The following FRMPD4 variants were observed in gnomAD, a reference collection of about 807,000 sequenced individuals.
FRMPD4 encodes FERM and PDZ domain containing 4, also known as FERM and PDZ domain-containing protein 4.
In FRMPD4, 22 loss-of-function variants were observed where a neutral mutation model predicts 94.1. The observed-to-expected ratio is 0.23, with a 90% confidence interval of 0.17 to 0.33. The LOEUF is 0.33. Among genes scored for constraint, FRMPD4 ranks in the 10% least tolerant of loss-of-function variants. The pLI, the probability that FRMPD4 is intolerant of heterozygous loss-of-function variation, is 1.00. For missense variants in FRMPD4, 1,111 were observed against 1,339.9 expected (o/e 0.83, Z 2.67); for synonymous variants, 631 against 548.6 (o/e 1.15, Z -2.10).
intron 2 of FRMPD4, 39 bp downstream of exon 2, chrX:12,498,835 C>A: frequency 2.8e-6 from 2 of 712,808 alleles, no homozygotes; most frequent in Non-Finnish European, 4.3e-6. Context: ...GAATCCTTGG[C>A]CAATGGACTT....
At chrX:12,154,330 G>A (rs2055902865) in intron 1 of FRMPD4, among the ~76,000 whole-genome samples, 1 of 112,806 alleles carries the variant, frequency 8.9e-6, no homozygotes, top group Non-Finnish European at 1.9e-5. Context: ...CCACAAAGGA[G>A]ATGTAATAGC....
At chrX:11,822,759 T>G (rs998553377) in intron 1 of FRMPD4, among the ~76,000 whole-genome samples, 1 of 111,881 alleles carries the variant, frequency 8.9e-6, no homozygotes, top group African/African-American at 3.2e-5. Flanking sequence ...TGGAAATTTG[T>G]GGGGAGGCCA....
chrX:11,926,406 G>A, intron 3 of FRMPD4, among the ~76,000 whole-genome samples: 1 of 110,506 alleles, frequency 9.0e-6, no homozygotes, highest in East Asian at 2.8e-4. Context: ...TTCATTATAT[G>A]AGGCCAGCAT....
chrX:12,128,766 A>G (rs2055522520), intron 3 of FRMPD4, among the ~76,000 whole-genome samples: 1 of 112,032 alleles, frequency 8.9e-6, no homozygotes, highest in Non-Finnish European at 1.9e-5. Context: ...CACCCAAGTC[A>G]CCTCTTGAAT....
At chrX:12,494,436 A>C (rs373133492) in intron 1 of FRMPD4, among the ~76,000 whole-genome samples, 1 of 112,295 alleles carries the variant, frequency 8.9e-6, no homozygotes, top group South Asian at 3.7e-4. Context: ...CAAGGTACAG[A>C]GAGTTTAGAG....
intron 1 of FRMPD4, among the ~76,000 whole-genome samples, chrX:12,264,902 C>T (rs746538616): frequency 1.8e-5 from 2 of 112,137 alleles, no homozygotes; most frequent in South Asian, 7.5e-4. Flanking sequence ...ATGTTCTTCT[C>T]CTTCCATCTC....
chrX:12,213,457 T>G (rs2056774514), intron 1 of FRMPD4, among the ~76,000 whole-genome samples: 1 of 111,947 alleles, frequency 8.9e-6, no homozygotes, highest in Admixed American at 9.5e-5. Context: ...ACATCTAAAA[T>G]TTATGGAAAA....
chrX:12,120,034 C>G (rs1351208604), intron 3 of FRMPD4, among the ~76,000 whole-genome samples: 1 of 112,308 alleles, frequency 8.9e-6, no homozygotes, highest in Non-Finnish European at 1.9e-5. Flanking sequence ...GAATTGTGCT[C>G]TCCAAGGGAT....
Position 12,723,419 on chromosome X carries a change from C to T in FRMPD4, c.*1561C>T, listed in dbSNP as rs2042276499. Reference sequence around the variant, plus strand: ...TCCACAATTGCAATCTCTCTCTAGTCAGCCATTCCACAGGGACTCAACAAC... The same window carrying T: ...TCCACAATTGCAATCTCTCTCTAGTTAGCCATTCCACAGGGACTCAACAAC... On this transcript the variant is annotated 3_prime_UTR_variant, in exon 17 of 17. Coordinates refer to ENST00000675598, the MANE Select transcript of FRMPD4 (RefSeq NM_001368397.1). The T allele has an allele frequency of 9.0e-6, 1 of 111,549 alleles. No individual in the cohort carries two copies. Among genetic ancestry groups the T allele is most frequent in the Non-Finnish European group, 1.9e-5 (1 of 53,146 alleles). 9.2% of individuals were successfully genotyped at this position (111,549 alleles called of 1,213,427 possible).
chrX:11,843,428 A>G (rs1165997457), intron 1 of FRMPD4, among the ~76,000 whole-genome samples: 1 of 111,712 alleles, frequency 9.0e-6, no homozygotes, highest in Non-Finnish European at 1.9e-5. Context: ...TATATGATAT[A>G]AATCCTACAA....
chrX:12,163,827 G>A (rs183635435), intron 1 of FRMPD4, among the ~76,000 whole-genome samples: 58 of 111,886 alleles, frequency 5.2e-4, no homozygotes, highest in Admixed American at 8.5e-4. Flanking sequence ...AAGAATGAGA[G>A]GTAGCCATGT....
At chrX:12,234,100 A>G in intron 1 of FRMPD4, among the ~76,000 whole-genome samples, 1 of 111,423 alleles carries the variant, frequency 9.0e-6, no homozygotes. Flanking sequence ...AGCACGAGCA[A>G]AAATGGACTG....
intron 1 of FRMPD4, among the ~76,000 whole-genome samples, chrX:12,176,639 T>C (rs2056298813): frequency 8.9e-6 from 1 of 112,596 alleles, no homozygotes; most frequent in African/African-American, 3.2e-5. Context: ...ATTAATATTG[T>C]GTATGTTTTA....
At chrX:11,901,581 T>C (rs1011788839) in intron 3 of FRMPD4, among the ~76,000 whole-genome samples, 1 of 112,119 alleles carries the variant, frequency 8.9e-6, no homozygotes, top group African/African-American at 3.2e-5. Flanking sequence ...GTGTCTTTCA[T>C]ATAACTTCTT....
chrX:12,227,169 G>A (rs748097353), intron 1 of FRMPD4, among the ~76,000 whole-genome samples: 14 of 111,717 alleles, frequency 1.3e-4, no homozygotes, highest in East Asian at 8.5e-4. Flanking sequence ...CAGAGCACAC[G>A]TAGCATTTTA....
At chrX:12,422,159 T>C (rs890102967) in intron 1 of FRMPD4, among the ~76,000 whole-genome samples, 1 of 112,313 alleles carries the variant, frequency 8.9e-6, no homozygotes, top group African/African-American at 3.2e-5. Flanking sequence ...GGGCACATGA[T>C]CACCACCTCC....
intron 1 of FRMPD4, among the ~76,000 whole-genome samples, chrX:12,381,341 C>T (rs2056314862): frequency 8.9e-6 from 1 of 112,214 alleles, no homozygotes; most frequent in South Asian, 3.7e-4. Flanking sequence ...GATGCTTTCT[C>T]GTCCTTGATA....
chrX:12,562,188 G>A (rs752523110), intron 2 of FRMPD4, among the ~76,000 whole-genome samples: 2 of 112,572 alleles, frequency 1.8e-5, no homozygotes, highest in Non-Finnish European at 3.8e-5. Context: ...AGCCTGAGGT[G>A]GGTTGGGTAT....
At chrX:12,393,059 G>A (rs746459228) in intron 1 of FRMPD4, among the ~76,000 whole-genome samples, 1 of 112,480 alleles carries the variant, frequency 8.9e-6, no homozygotes, top group African/African-American at 3.2e-5. Flanking sequence ...GATTTGAAGG[G>A]CAGGGACTGC....
Sources: allele counts gnomAD v4.1 joint callset (sites outside exome capture counted in the v4.1 genomes callset), GRCh38; gene constraint gnomAD v4.1.1; transcripts MANE v1.5; gene names NCBI Gene and HGNC (gene_info 2026-07-23, HGNC 2026-07-21).